TG: variants seen among roughly 807,000 people sequenced by gnomAD.
TG encodes thyroid hormones.
In TG, 270 loss-of-function variants were observed where a neutral mutation model predicts 324.7. The ratio of observed to expected loss-of-function variants is 0.83; its 90% confidence interval spans 0.75 to 0.92. The LOEUF is 0.92. Among genes scored for constraint, TG ranks in the 40% least tolerant of loss-of-function variants. The pLI, the probability that TG is intolerant of heterozygous loss-of-function variation, is 0.00. For missense variants in TG, 3,591 were observed against 3,456.4 expected (o/e 1.04, Z -0.98); for synonymous variants, 1,401 against 1,327.0 (o/e 1.06, Z -1.21).
rs781666811 is a variant in TG, at chr8:133,096,271, G to T, written c.7470G>T (p.Glu2490Asp). ...GPVIDGHFLR[E>D]PPARALKRSL... is the part of the protein sequence containing the mutation. ...TGATCGATGGCCACTTCCTCCGTGA[G>T]CCTCCAGCCAGAGCACTGAAGAGGT... The change falls in exon 43 of 48, where the codon GAG becomes GAT. Residue 2490 changes from glutamate (E) to aspartate (D), a missense_variant. By Grantham distance (45) the Glu-to-Asp change is conservative (BLOSUM62 2). Transcript: ENST00000220616. The T allele has an allele frequency of 4.3e-6, 7 of 1,614,238 alleles. 1 individual carries two copies. The South Asian group carries it at 6.6e-5, about 15-fold the overall frequency.
intron 43 of TG, chr8:133,102,869 C>A: frequency 3.0e-6 from 1 of 338,442 alleles, no homozygotes; most frequent in Non-Finnish European, 5.7e-6. Flanking sequence ...CAGGAGTTGG[C>A]CTCGTCTGGG....
chr8:132,905,445 C>T (rs1359167530), intron 16 of TG, among the ~76,000 whole-genome samples: 1 of 152,182 alleles, frequency 6.6e-6, no homozygotes, highest in Non-Finnish European at 1.5e-5. Flanking sequence ...GTCATTCTTC[C>T]TCTTTGAAGC....
At chr8:132,898,972 T>C (rs1346808288) in intron 14 of TG, 62 bp downstream of exon 14, 1 of 1,415,226 alleles carries the variant, frequency 7.1e-7, no homozygotes, top group Non-Finnish European at 9.8e-7. Flanking sequence ...GAGATGATTT[T>C]TCTTTTTGTT....
intron 41 of TG, among the ~76,000 whole-genome samples, chr8:133,040,635 A>G (rs1041055138): frequency 1.3e-5 from 2 of 152,038 alleles, no homozygotes; most frequent in African/African-American, 4.8e-5. Flanking sequence ...GACTAAATAG[A>G]TCTCTAGGAA....
At chr8:132,893,162 G>C (rs1224108327) in intron 10 of TG, among the ~76,000 whole-genome samples, 1 of 135,874 alleles carries the variant, frequency 7.4e-6, no homozygotes, top group Non-Finnish European at 1.6e-5. Context: ...TATGTGTGGT[G>C]AGTGTGGTGT....
At chr8:133,057,142 G>T (rs1388057890) in intron 41 of TG, among the ~76,000 whole-genome samples, 3 of 139,774 alleles carry the variant, frequency 2.1e-5, no homozygotes, top group Admixed American at 7.3e-5. Flanking sequence ...TTCTACCCTT[G>T]CACGGACAGA....
intron 34 of TG, among the ~76,000 whole-genome samples, chr8:132,977,655 C>G (rs1297642736): frequency 6.6e-6 from 1 of 152,096 alleles, no homozygotes; most frequent in East Asian, 1.9e-4. Context: ...GGGAAACTCC[C>G]ATTTTTAAAA....
rs1564084538 is a variant in TG, at chr8:133,024,392, T to TCTTTCTTTCTTTCTTTCTTTC, written c.7036+2242_7036+2243insCTTTCTTTCTTTCTTTCTTTC. Among the ~76,000 whole-genome samples, 49 of 94,172 alleles carry TCTTTCTTTCTTTCTTTCTTTC rather than the reference T, an allele frequency of 5.2e-4. 1 individual carries two copies. The highest frequency in any genetic ancestry group is 2.4e-3 in the African/African-American group (46 of 19,242). The allele number at this position is 94,172 out of a possible 152,430, so 61.8% of individuals were successfully genotyped here. On this transcript the variant is annotated intron_variant, in intron 40 of 47. Transcript: ENST00000220616. ...TTTCTTTCTTTCTTTCTTTCTTTCT[T>TCTTTCTTTCTTTCTTTCTTTC]TTTCTTTTTTTAATTTTACTTTAAG...
intron 27 of TG, 132 bp downstream of exon 27, chr8:132,949,075 C>G: frequency 1.2e-6 from 1 of 825,084 alleles, no homozygotes; most frequent in Non-Finnish European, 1.9e-6. Context: ...AAAAACTTTA[C>G]CAATCATACT....
At position 132,948,859 on chromosome 8, in the gene TG, G is replaced by A. The variant is rs778247747; in HGVS notation, c.5317G>A (p.Ala1773Thr). The A allele has an allele frequency of 6.2e-7, 1 of 1,614,078 alleles. No individual in the cohort carries two copies. The highest frequency in any genetic ancestry group is 1.1e-5 in the South Asian group (1 of 91,074). The change falls in exon 27 of 48, where the codon GCT becomes ACT. Residue 1773 changes from alanine (A) to threonine (T), a missense_variant. Transcript: ENST00000220616. The part of the protein sequence containing the change: ...KDWMDPSEAW[A>T]NATCPGVTYD... Reference sequence around the variant, plus strand: ...CTGGATGGATCCCTCTGAAGCCTGGGCTAATGCTACATGTCCTGGTGTGAC... The same window carrying A: ...CTGGATGGATCCCTCTGAAGCCTGGACTAATGCTACATGTCCTGGTGTGAC...
intron 14 of TG, among the ~76,000 whole-genome samples, chr8:132,899,412 T>G (rs1817603541): frequency 6.6e-6 from 1 of 152,186 alleles, no homozygotes; most frequent in Non-Finnish European, 1.5e-5. Flanking sequence ...ACCACTTACT[T>G]GCCAAGTGAG....
chr8:132,879,750 G>A (rs1814385286), intron 5 of TG, among the ~76,000 whole-genome samples: 2 of 152,118 alleles, frequency 1.3e-5, no homozygotes, highest in Admixed American at 1.3e-4. Flanking sequence ...GCGGGAAGCA[G>A]GAATATCAAG....
At chr8:132,995,350 C>T (rs1464072980) in intron 35 of TG, 3 of 985,050 alleles carry the variant, frequency 3.0e-6, no homozygotes, top group Non-Finnish European at 3.6e-6. Flanking sequence ...CCTGCTCCTG[C>T]AGAGATCAGA....
At chr8:133,039,965 A>ACG (rs1837881052) in intron 41 of TG, 1 of 1,528,916 alleles carries the variant, frequency 6.5e-7, no homozygotes, top group African/African-American at 1.4e-5. Flanking sequence ...ACACACACAC[A>ACG]CACACACACA....
In TG at chr8:133,079,336, G is replaced by T. The variant is rs872642; in HGVS notation, c.7240-15708G>T. Among the ~76,000 whole-genome samples the T allele has an allele frequency of 8.1e-3, 1,227 of 152,316 alleles. 18 individuals carry two copies. Among genetic ancestry groups the T allele is most frequent in the South Asian group, 0.044 (211 of 4,828 alleles). Reference sequence around the variant, plus strand: ...ATGACCATAGGCAAATAATAACAATGCCAGCCATGCAAGGATTGAGAGTCA... The same window carrying T: ...ATGACCATAGGCAAATAATAACAATTCCAGCCATGCAAGGATTGAGAGTCA... On this transcript the variant is annotated intron_variant, in intron 41 of 47. Coordinates refer to ENST00000220616, the MANE Select transcript of TG (RefSeq NM_003235.5).
chr8:133,040,056 C>T (rs1438745962), intron 41 of TG: 2 of 1,554,092 alleles, frequency 1.3e-6, no homozygotes, highest in South Asian at 1.2e-5. Context: ...GAGCTGGAGG[C>T]CCTCACTGCT....
intron 44 of TG, 169 bp downstream of exon 44, chr8:133,113,772 G>A (rs2979043): frequency 1.3e-6 from 1 of 787,060 alleles, no homozygotes; most frequent in Non-Finnish European, 2.0e-6. Flanking sequence ...CTGAGGGGAA[G>A]CCCTGGAGGA....
chr8:132,983,369 C>A lies in TG; in HGVS notation c.6219C>A (p.Pro2073=). 6.2e-7 allele frequency: 1 copy of A among 1,614,092 alleles called. No individual in the cohort carries two copies. The highest frequency in any genetic ancestry group is 1.1e-5 in the South Asian group (1 of 91,076). ...YQKPIAQNNA[P]SFCPLVVLPS... is the part of the protein sequence containing the mutation. ...TTTCAGTTGCTCAAAATAATGCTCCCAGTTTTTGCCCTTTGGTTGTTCTGC... is the reference window on the plus strand; with the variant it reads ...TTTCAGTTGCTCAAAATAATGCTCCAAGTTTTTGCCCTTTGGTTGTTCTGC... The change falls in exon 35 of 48, where the codon CCC becomes CCA. Residue 2073 remains proline, a synonymous_variant. Coordinates refer to ENST00000220616, the MANE Select transcript of TG (RefSeq NM_003235.5).
chr8:133,127,154 C>G (rs1252800803), intron 45 of TG, among the ~76,000 whole-genome samples: 1 of 152,210 alleles, frequency 6.6e-6, no homozygotes, highest in Admixed American at 6.5e-5. Context: ...CTCACACCCT[C>G]ACCTCATCAT....
Sources: allele counts gnomAD v4.1 joint callset (sites outside exome capture counted in the v4.1 genomes callset), GRCh38; gene constraint gnomAD v4.1.1; transcripts MANE v1.5; gene names NCBI Gene and HGNC (gene_info 2026-07-23, HGNC 2026-07-21).